Variants in MIDEAS observed in about 807,000 individuals in gnomAD.
The protein encoded by MIDEAS is mitotic deacetylase-associated SANT domain protein.
Under a neutral mutation model 102.7 loss-of-function variants are expected in MIDEAS, and 26 were observed. The ratio of observed to expected loss-of-function variants is 0.25; its 90% CI spans 0.19 to 0.35. The LOEUF (loss-of-function observed/expected upper bound fraction) is 0.35, where lower values mean the gene tolerates loss of function less well. MIDEAS is among the 10% of genes least tolerant of loss of function. MIDEAS has a pLI of 1.00. For missense variants in MIDEAS, 1,231 were observed against 1,435.6 expected (o/e 0.86, Z 2.30); for synonymous variants, 585 against 591.0 (o/e 0.99, Z 0.15).
At chr14:73,769,423 T>C (rs1045009718) in intron 1 of MIDEAS, among the ~76,000 whole-genome samples, 12 of 152,098 alleles carry the variant, frequency 7.9e-5, no homozygotes, top group Non-Finnish European at 1.2e-4. Context: ...GAAATGCAAA[T>C]TGGAATATCA....
chr14:73,752,695 CGCCCTTCCTCAG>C (rs1259369015), intron 1 of MIDEAS, among the ~76,000 whole-genome samples: 4 of 152,228 alleles, frequency 2.6e-5, no homozygotes, highest in African/African-American at 9.6e-5. Context: ...ATCAGCCTCA[CGCCCTTCCTCAG>C]GCCCTGGTCA....
chr14:73,732,024 G>A (rs2053145739), intron 3 of MIDEAS, among the ~76,000 whole-genome samples: 1 of 152,246 alleles, frequency 6.6e-6, no homozygotes, highest in Non-Finnish European at 1.5e-5. Flanking sequence ...TTACTTGGCT[G>A]TATGACCTTA....
chr14:73,790,167 C>G (rs1202416026), upstream of MIDEAS: 1 of 152,220 alleles, frequency 6.6e-6, no homozygotes, highest in Non-Finnish European at 1.5e-5. Flanking sequence ...TGGTGTCTTT[C>G]TCTCAGCATC....
intron 1 of MIDEAS, among the ~76,000 whole-genome samples, chr14:73,779,573 A>ATATTT (rs2053729856): frequency 8.3e-6 from 1 of 119,992 alleles, no homozygotes; most frequent in Non-Finnish European, 1.7e-5. Context: ...TATTATTATT[A>ATATTT]TTTTTTTTTT....
intron 1 of MIDEAS, among the ~76,000 whole-genome samples, chr14:73,768,511 CTTTTTTTTTTT>C (rs59819061): frequency 1.9e-4 from 26 of 138,364 alleles, no homozygotes; most frequent in Admixed American, 3.5e-4. Context: ...TTATTGCCAA[CTTTTTTTTTTT>C]TTTTTTTTTT....
Position 73,741,549 on chromosome 14 carries a change from C to T in MIDEAS, c.-247-1294G>A, listed in dbSNP as rs371291071. Among the ~76,000 whole-genome samples the T allele has an allele frequency of 1.0e-3, 154 of 152,206 alleles. 1 individual carries two copies. Among genetic ancestry groups the T allele is most frequent in the African/African-American group, 3.5e-3 (146 of 41,512 alleles). On this transcript the variant is annotated intron_variant, in intron 1 of 12. Transcript: ENST00000423556. ...CTCCCAGGAAACCAGCCAGCAGCAGCGGAGGGCAGGGCTGGGCGGGCACAG... is the reference window on the plus strand; with the variant it reads ...CTCCCAGGAAACCAGCCAGCAGCAGTGGAGGGCAGGGCTGGGCGGGCACAG...
At chr14:73,751,497 A>C (rs1595279992) in intron 1 of MIDEAS, among the ~76,000 whole-genome samples, 1 of 152,096 alleles carries the variant, frequency 6.6e-6, no homozygotes, top group Non-Finnish European at 1.5e-5. Flanking sequence ...ACAGGTGATT[A>C]CCTCCAGTGG....
chr14:73,759,793 C>T lies in MIDEAS; in HGVS notation c.-278G>A, dbSNP rs1283056198. Reference sequence around the variant, plus strand: ...TCTTGCCCGGGCTCCGGGCTCCGGGCTCGGCTGTCCCCCTTCCGCCGCGGG... The same window carrying T: ...TCTTGCCCGGGCTCCGGGCTCCGGGTTCGGCTGTCCCCCTTCCGCCGCGGG... On this transcript the variant is annotated 5_prime_UTR_variant, in exon 1 of 13. Transcript: ENST00000423556. This position sits in a 1 kb window ranked among gnomAD's most constrained non-coding sequence, Gnocchi z 6.7. The T allele has an allele frequency of 2.0e-5, 3 of 151,990 alleles. No individual in the cohort carries two copies. Among genetic ancestry groups the T allele is most frequent in the Admixed American group, 2.0e-4 (3 of 15,270 alleles). 9.4% of individuals were successfully genotyped at this position (151,990 alleles called of 1,614,324 possible). A position where few individuals can be genotyped will look rare whatever the true frequency, so the allele number is the denominator to read the frequency against.
intron 1 of MIDEAS, among the ~76,000 whole-genome samples, chr14:73,746,922 G>A (rs2053359946): frequency 6.6e-6 from 1 of 152,178 alleles, no homozygotes; most frequent in Admixed American, 6.5e-5. Context: ...GGGAGACAGA[G>A]AAACAGAAAC....
chr14:73,742,231 C>T lies in MIDEAS; in HGVS notation c.-247-1976G>A, dbSNP rs766311987. On this transcript the variant is annotated intron_variant, in intron 1 of 12. Coordinates refer to ENST00000423556, the MANE Select transcript of MIDEAS (RefSeq NM_001367710.1). This position sits in a 1 kb window ranked among gnomAD's most constrained non-coding sequence, Gnocchi z 4.4. ...AAGCCCACGTGCCTCCAGGGGGCTG[C>T]GAGCCCCTCCAGTGGGCGCTCACAC... Among the ~76,000 whole-genome samples, 2 of 152,248 alleles carry T rather than the reference C, an allele frequency of 1.3e-5. No homozygotes were observed. Among genetic ancestry groups the T allele is most frequent in the Non-Finnish European group, 2.9e-5 (2 of 68,040 alleles).
intron 1 of MIDEAS, among the ~76,000 whole-genome samples, chr14:73,783,503 G>A (rs1001824186): frequency 2.6e-5 from 4 of 152,168 alleles, no homozygotes; most frequent in African/African-American, 9.7e-5. Flanking sequence ...CCTAACTGCC[G>A]GCCTAGAAGT....
chr14:73,721,193 T>C, intron 11 of MIDEAS, 104 bp downstream of exon 11: 1 of 1,063,540 alleles, frequency 9.4e-7, no homozygotes, highest in Admixed American at 1.8e-5. Flanking sequence ...CCTGCTATTA[T>C]GATTATAATG....
At chr14:73,761,896 G>A (rs2140158972), upstream of MIDEAS, among the ~76,000 whole-genome samples, 1 of 152,294 alleles carries the variant, frequency 6.6e-6, no homozygotes, top group Middle Eastern at 3.4e-3. Context: ...TCCCCCAGAG[G>A]AAGGCAGTGA....
chr14:73,729,854 G>C lies in MIDEAS; in HGVS notation c.1881C>G (p.Ile627Met), dbSNP rs764826424. The stretch of plus-strand genomic sequence containing the variant: ...AGCGCAGGTGGCTCTGGTATGGGGT[G>C]ATGTTGGAGTAGACGGGAGGGGCGA... ...TFIAPPVYSNITPYQSHLRSP... is the reference protein window; with the variant it reads ...TFIAPPVYSNMTPYQSHLRSP... The change falls in exon 4 of 13, where the codon ATC becomes ATG. Residue 627 changes from isoleucine to methionine, a missense_variant. Transcript: ENST00000423556. 6.2e-7 allele frequency: 1 copy of C among 1,614,028 alleles called. No homozygotes were observed.
Position 73,717,326 on chromosome 14 carries a change from G to A in MIDEAS, c.*1517C>T, listed in dbSNP as rs904857304. 1 of 152,242 alleles carries A rather than the reference G, an allele frequency of 6.6e-6. No individual in the cohort carries two copies. Among genetic ancestry groups the A allele is most frequent in the African/African-American group, 2.4e-5 (1 of 41,462 alleles). The allele number at this position is 152,242 out of a possible 1,614,324, so 9.4% of individuals were successfully genotyped here. ...TGAGCCCCGCTATGGGACTGGAAGTGAAGGGGCCTCCAGAACCTCCTGGCC... is the reference window on the plus strand; with the variant it reads ...TGAGCCCCGCTATGGGACTGGAAGTAAAGGGGCCTCCAGAACCTCCTGGCC... On this transcript the variant is annotated 3_prime_UTR_variant, in exon 13 of 13. Transcript: ENST00000423556.
chr14:73,772,965 A>G (rs1297864276), intron 1 of MIDEAS, among the ~76,000 whole-genome samples: 3 of 151,810 alleles, frequency 2.0e-5, no homozygotes, highest in Non-Finnish European at 4.4e-5. Flanking sequence ...CAGCCTCCCG[A>G]GTAGCTAGGG....
chr14:73,739,857 C>T lies in MIDEAS; in HGVS notation c.152G>A (p.Gly51Asp). 2 of 1,595,810 alleles carry T rather than the reference C, an allele frequency of 1.3e-6. No homozygotes were observed. Among genetic ancestry groups the T allele is most frequent in the Middle Eastern group, 1.7e-4 (1 of 5,982 alleles). ...VKEEQYLGHE[G>D]PGGAVSTSQP... The stretch of plus-strand genomic sequence containing the variant: ...AGAGGTGGAGACTGCCCCTCCTGGA[C>T]CCTCGTGCCCGAGGTACTGCTCCTC... Residue 51 changes from glycine (G) to aspartate (D), a missense_variant, in exon 2 of 13, where the codon GGT becomes GAT. Coordinates refer to ENST00000423556, the MANE Select transcript of MIDEAS (RefSeq NM_001367710.1).
At chr14:73,778,550 G>A (rs929726397) in intron 1 of MIDEAS, among the ~76,000 whole-genome samples, 5 of 151,926 alleles carry the variant, frequency 3.3e-5, no homozygotes, top group East Asian at 1.9e-4. Context: ...GGGGGTCACC[G>A]AGTGGCTATT....
Position 73,718,807 on chromosome 14 carries a change from C to T in MIDEAS, c.*36G>A. 7.3e-7 allele frequency: 1 copy of T among 1,375,642 alleles called. No homozygotes were observed. The highest frequency in any genetic ancestry group is 9.3e-7 in the Non-Finnish European group (1 of 1,071,754). 85.2% of individuals were successfully genotyped at this position (1,375,642 alleles called of 1,614,324 possible). A position where few individuals can be genotyped will look rare whatever the true frequency, so the allele number is the denominator to read the frequency against. On this transcript the variant is annotated 3_prime_UTR_variant, in exon 13 of 13. Transcript: ENST00000423556. ...GGCGCTGGCGGCGGTGCGGGAAGGG[C>T]CGAGGCCCAGGACTGGGCCAGCCTG... is the stretch of plus-strand genomic sequence containing the variant.
Sources: gnomAD v4.1 joint callset for allele counts (sites outside exome capture counted in the v4.1 genomes callset) on GRCh38, gnomAD v4.1.1 for gene constraint, Gnocchi (gnomAD v3.1) non-coding constraint, MANE v1.5 for transcripts, NCBI Gene and HGNC (gene_info 2026-07-23, HGNC 2026-07-21) for gene names.